SMARCD3: variants seen among roughly 807,000 people sequenced by gnomAD.
SMARCD3 encodes the protein SWI/SNF-related matrix-associated actin-dependent regulator of chromatin subfamily D member 3.
A neutral mutation model predicts 58.0 loss-of-function variants in SMARCD3; 14 were observed. The observed-to-expected ratio is 0.24, with a 90% CI of 0.16 to 0.38. The LOEUF is 0.38. Ranked by LOEUF, SMARCD3 falls within the 10% of genes least tolerant of loss-of-function variation. The pLI, the probability that SMARCD3 is intolerant of heterozygous loss-of-function variation, is 1.00. For synonymous variants in SMARCD3, 253 were observed against 253.8 expected (o/e 1.00, Z 0.03); for missense variants, 408 against 636.9 (o/e 0.64, Z 3.87).
chr7:151,263,194 G>A (rs1271606690), intron 2 of SMARCD3, among the ~76,000 whole-genome samples: 1 of 152,126 alleles, frequency 6.6e-6, no homozygotes, highest in African/African-American at 2.4e-5. Context: ...TCCTAGCCCA[G>A]AGACTGTGGG....
At chr7:151,275,818 G>A (rs1033955821) in intron 1 of SMARCD3, among the ~76,000 whole-genome samples, 21 of 152,294 alleles carry the variant, frequency 1.4e-4, no homozygotes, top group African/African-American at 5.1e-4. Context: ...CCAGCTCGTT[G>A]GGTCAGGACC....
At chr7:151,263,833 C>A (rs535434775) in intron 2 of SMARCD3, among the ~76,000 whole-genome samples, 1 of 152,282 alleles carries the variant, frequency 6.6e-6, no homozygotes, top group East Asian at 1.9e-4. Flanking sequence ...CATAGTACAT[C>A]CTTGCTTAAG....
Position 151,238,800 on chromosome 7 carries a change from T to C in SMARCD3, c.*303A>G, listed in dbSNP as rs1275996288. 15 of 1,546,192 alleles carry C rather than the reference T, an allele frequency of 9.7e-6. No homozygotes were observed. In the Admixed American group the frequency reaches 2.3e-4, roughly 24 times the overall value. Reference sequence around the variant, plus strand: ...CTGTATTTTTTAAATATGAAAATGTTATTAAACATGTCTTCTGCCAAACTG... The same window carrying C: ...CTGTATTTTTTAAATATGAAAATGTCATTAAACATGTCTTCTGCCAAACTG... On this transcript the variant is annotated 3_prime_UTR_variant, in exon 13 of 13. Transcript: ENST00000262188.
At chr7:151,263,079 G>T (rs1377305421) in intron 2 of SMARCD3, among the ~76,000 whole-genome samples, 1 of 152,106 alleles carries the variant, frequency 6.6e-6, no homozygotes, top group Non-Finnish European at 1.5e-5. Context: ...CACCTTATAA[G>T]TGGGGAAACT....
intron 2 of SMARCD3, among the ~76,000 whole-genome samples, chr7:151,259,942 C>T (rs2150608356): frequency 6.6e-6 from 1 of 152,212 alleles, no homozygotes; most frequent in East Asian, 1.9e-4. Context: ...ATAACATCGG[C>T]TTAGATTTGT....
chr7:151,260,044 T>C (rs1201470425), intron 2 of SMARCD3, among the ~76,000 whole-genome samples: 2 of 152,156 alleles, frequency 1.3e-5, no homozygotes, highest in Non-Finnish European at 2.9e-5. Context: ...AGGGTCCCCA[T>C]TATAAAGATA....
At chr7:151,240,001 T>G in intron 10 of SMARCD3, 111 bp downstream of exon 10, 1 of 1,172,966 alleles carries the variant, frequency 8.5e-7, no homozygotes, top group Non-Finnish European at 1.2e-6. Flanking sequence ...TTTTTTTTTT[T>G]TTTTTAATTT....
chr7:151,262,092 C>CTT (rs367849693), intron 2 of SMARCD3, among the ~76,000 whole-genome samples: 2 of 96,160 alleles, frequency 2.1e-5, no homozygotes, highest in African/African-American at 6.2e-5. Flanking sequence ...GCACTTCAAC[C>CTT]TTTTTTTTTT....
At chr7:151,269,315 C>T (rs926467991) in intron 2 of SMARCD3, among the ~76,000 whole-genome samples, 14 of 152,148 alleles carry the variant, frequency 9.2e-5, no homozygotes, top group South Asian at 2.1e-4. Flanking sequence ...GGACACCTTC[C>T]GACCCACCAG....
upstream of SMARCD3, among the ~76,000 whole-genome samples, chr7:151,252,601 C>T (rs1042995804): frequency 2.2e-4 from 34 of 152,182 alleles, no homozygotes; most frequent in South Asian, 1.7e-3. Flanking sequence ...ATCCAGCCTA[C>T]CTGCCCGGGC....
At chr7:151,250,773 G>A (rs988117452), upstream of SMARCD3, among the ~76,000 whole-genome samples, 1 of 152,100 alleles carries the variant, frequency 6.6e-6, no homozygotes, top group Non-Finnish European at 1.5e-5. Context: ...TAAGGTCAGA[G>A]ACTGATCTTT....
chr7:151,265,639 G>C (rs894327596), intron 2 of SMARCD3, among the ~76,000 whole-genome samples: 1 of 152,232 alleles, frequency 6.6e-6, no homozygotes, highest in Admixed American at 6.5e-5. Flanking sequence ...CCTCCAAGCA[G>C]GGTGCAAAGC....
Position 151,242,276 on chromosome 7 carries a change from G to T in SMARCD3, c.580-44C>A, listed in dbSNP as rs1262483008. On this transcript the variant is annotated intron_variant, in intron 5 of 12. Transcript: ENST00000262188. The surrounding 1 kb of genome is among the most constrained non-coding windows in gnomAD (Gnocchi z 4.7). Reference sequence around the variant, plus strand: ...GACCATGGGGGCAGAACAGGGACGAGGTGGGAGGAGCAGAAGGAGGCCAAG... The same window carrying T: ...GACCATGGGGGCAGAACAGGGACGATGTGGGAGGAGCAGAAGGAGGCCAAG... 6.6e-7 allele frequency: 1 copy of T among 1,513,526 alleles called. No individual in the cohort carries two copies. The highest frequency in any genetic ancestry group is 9.2e-7 in the Non-Finnish European group (1 of 1,088,242). The allele number at this position is 1,513,526 out of a possible 1,614,324, so 93.8% of individuals were successfully genotyped here.
At chr7:151,248,950 A>G (rs1485975053), upstream of SMARCD3, 1 of 152,370 alleles carries the variant, frequency 6.6e-6, no homozygotes, top group Non-Finnish European at 1.5e-5. This position sits in a 1 kb window ranked among gnomAD's most constrained non-coding sequence, Gnocchi z 6.1. Flanking sequence ...GCAGTGCTGC[A>G]GCCCGAAGCC....
intron 2 of SMARCD3, among the ~76,000 whole-genome samples, chr7:151,260,988 G>GTA (rs1803899681): frequency 1.3e-5 from 2 of 152,146 alleles, no homozygotes; most frequent in African/African-American, 4.8e-5. Flanking sequence ...ACTTTACTCT[G>GTA]GGGCTCAAAT....
intron 2 of SMARCD3, among the ~76,000 whole-genome samples, chr7:151,270,228 G>A (rs528211817): frequency 3.3e-5 from 5 of 152,258 alleles, no homozygotes; most frequent in Admixed American, 6.5e-5. Context: ...CTCCAACCAC[G>A]GAGTTACAGG....
Position 151,239,154 on chromosome 7 carries a change from G to T in SMARCD3, c.1401C>A (p.Ile467=). ...GCTCCAGCTCCTGCCTGCGCTGCTGGATCTTTAGAGGAAGTGAGAACAGGA... is the reference window on the plus strand; with the variant it reads ...GCTCCAGCTCCTGCCTGCGCTGCTGTATCTTTAGAGGAAGTGAGAACAGGA... ...EAVSRYFYCK[I]QQRRQELEQS... is the part of the protein sequence containing the mutation. The change falls in exon 13 of 13, where the codon ATC becomes ATA. Residue 467 remains isoleucine (I), a splice_region_variant and synonymous_variant. Coordinates refer to ENST00000262188, the MANE Select transcript of SMARCD3 (RefSeq NM_001003801.2). This position sits in a 1 kb window ranked among gnomAD's most constrained non-coding sequence, Gnocchi z 7.0. 1 of 1,614,114 alleles carries T rather than the reference G, an allele frequency of 6.2e-7. No individual in the cohort carries two copies. Among genetic ancestry groups the T allele is most frequent in the Non-Finnish European group, 8.5e-7 (1 of 1,179,994 alleles).
At chr7:151,262,934 C>T (rs967778486) in intron 2 of SMARCD3, among the ~76,000 whole-genome samples, 3 of 152,182 alleles carry the variant, frequency 2.0e-5, no homozygotes, top group African/African-American at 4.8e-5. Context: ...AGGACAGGTG[C>T]CCTGCAGAGC....
intron 2 of SMARCD3, among the ~76,000 whole-genome samples, chr7:151,259,618 T>TG: frequency 1.5e-5 from 2 of 136,236 alleles, no homozygotes; most frequent in African/African-American, 5.9e-5. Context: ...TTTTTTTTTT[T>TG]TTTTTTTTGA....
Sources: gnomAD v4.1 joint callset for allele counts (sites outside exome capture counted in the v4.1 genomes callset) on GRCh38, gnomAD v4.1.1 for gene constraint, Gnocchi (gnomAD v3.1) non-coding constraint, MANE v1.5 for transcripts, NCBI Gene and HGNC (gene_info 2026-07-23, HGNC 2026-07-21) for gene names.